ABCC4: variants seen among roughly 807,000 people sequenced by gnomAD.
The protein encoded by ABCC4 is ATP-binding cassette sub-family C member 4.
Under a neutral mutation model 168.5 loss-of-function variants are expected in ABCC4, and 102 were observed. That is an observed-to-expected ratio of 0.61 (90% CI 0.52 to 0.71). The LOEUF is 0.71. ABCC4 is among the 30% of genes least tolerant of loss of function. The probability of loss-of-function intolerance (pLI) is 0.00; values close to 1 mark genes in which losing one functional copy is unlikely to be tolerated. For synonymous variants in ABCC4, 617 were observed against 590.7 expected (o/e 1.04, Z -0.65); for missense variants, 1,402 against 1,605.8 (o/e 0.87, Z 2.17).
At chr13:95,196,592 GGAAGGAAGGAAGGAAGGAAGGAA>G (rs2038431931) in intron 8 of ABCC4, among the ~76,000 whole-genome samples, 4 of 1,786 alleles carry the variant, frequency 2.2e-3, no homozygotes, top group Non-Finnish European at 6.6e-3. Flanking sequence ...GAGGAAGGAA[GGAAGGAAGGAAGGAAGGAAGGAA>G]GGAAGGAAGG....
intron 2 of ABCC4, 44 bp from the exon 3 acceptor site, chr13:95,247,139 A>G (rs768994541): frequency 3.2e-6 from 5 of 1,584,434 alleles, no homozygotes; most frequent in Non-Finnish European, 4.3e-6. Context: ...GAACCCTGCC[A>G]CAATATAAAA....
chr13:95,031,372 C>T (rs751806548), intron 30 of ABCC4, among the ~76,000 whole-genome samples: 2 of 152,176 alleles, frequency 1.3e-5, no homozygotes, highest in Non-Finnish European at 2.9e-5. Context: ...CAAGGAGCAG[C>T]GTTTTCAGGC....
intron 19 of ABCC4, among the ~76,000 whole-genome samples, chr13:95,133,306 G>A (rs1240221920): frequency 6.6e-6 from 1 of 151,578 alleles, no homozygotes; most frequent in Non-Finnish European, 1.5e-5. Context: ...TATAGATGGG[G>A]TTTCACCATG....
chr13:95,131,473 T>TA (rs1395704354), intron 19 of ABCC4, among the ~76,000 whole-genome samples: 2 of 151,894 alleles, frequency 1.3e-5, no homozygotes, highest in Non-Finnish European at 2.9e-5. Context: ...ACTAAAAATA[T>TA]AAAAAATTAG....
At chr13:95,216,608 CAAAA>C (rs199711816) in intron 4 of ABCC4, among the ~76,000 whole-genome samples, 24,980 of 125,286 alleles carry the variant, frequency 0.2, 2,846 homozygotes, top group South Asian at 0.33. Flanking sequence ...AGGAAATTCA[CAAAA>C]AAAAAAAAAA....
chr13:95,246,949 A>G, intron 3 of ABCC4, 26 bp downstream of exon 3: 1 of 1,607,614 alleles, frequency 6.2e-7, no homozygotes. Flanking sequence ...CCTGAAAAAC[A>G]ATTCATGGTA....
intron 19 of ABCC4, among the ~76,000 whole-genome samples, chr13:95,142,505 A>G (rs2036351654): frequency 1.3e-5 from 2 of 152,174 alleles, no homozygotes; most frequent in Admixed American, 1.3e-4. Context: ...TGAAGGGTGC[A>G]CCAAAATCTC....
chr13:95,055,486 C>G (rs954734688), intron 26 of ABCC4: 1 of 152,146 alleles, frequency 6.6e-6, no homozygotes, highest in Non-Finnish European at 1.5e-5. Flanking sequence ...CCAGATCAAA[C>G]CTGTTTTTCA....
At chr13:95,163,792 G>GAAGTCC in intron 16 of ABCC4, 145 bp from the exon 17 acceptor site, 4 of 668,776 alleles carry the variant, frequency 6.0e-6, no homozygotes, top group Non-Finnish European at 1.1e-5. Context: ...CAGCACTTTG[G>GAAGTCC]GAGGCTGAGG....
rs2031010682 is a variant in ABCC4 at position 95,020,113 on chromosome 13, C to T, written c.*1462G>A. ...TTAACCATACGTGTATTTCTAAGTA[C>T]TAGGAGTTGAACAGCTACTACGGTC... On this transcript the variant is annotated 3_prime_UTR_variant, in exon 31 of 31. Transcript: ENST00000645237. 6.6e-6 allele frequency: 1 copy of T among 152,128 alleles called. No individual in the cohort carries two copies. Among genetic ancestry groups the T allele is most frequent in the Admixed American group, 6.5e-5 (1 of 15,278 alleles). The allele number at this position is 152,128 out of a possible 1,614,324, so 9.4% of individuals were successfully genotyped here.
chr13:95,121,114 C>G (rs2035556237), intron 19 of ABCC4, among the ~76,000 whole-genome samples: 1 of 152,132 alleles, frequency 6.6e-6, no homozygotes, highest in African/African-American at 2.4e-5. Flanking sequence ...GAGGCAGGGA[C>G]AAGACATGAG....
chr13:95,265,053 G>A lies in ABCC4; in HGVS notation c.75-17300C>T, dbSNP rs187964410. Among the ~76,000 whole-genome samples the A allele has an allele frequency of 9.9e-3, 1,512 of 152,070 alleles. 22 individuals are homozygous for A. Among genetic ancestry groups the A allele is most frequent in the Admixed American group, 0.02 (309 of 15,266 alleles). ...CTGACTAATTTTTGTATTTTTAGCA[G>A]AGATGGGGTTTTGCCATGTTGGCCA... On this transcript the variant is annotated intron_variant, in intron 1 of 30. Transcript: ENST00000645237.
chr13:95,101,881 C>G (rs1202961279), intron 20 of ABCC4, among the ~76,000 whole-genome samples: 1 of 152,140 alleles, frequency 6.6e-6, no homozygotes, highest in Non-Finnish European at 1.5e-5. Flanking sequence ...CTATTTCTCC[C>G]ACTTAAAAAT....
intron 19 of ABCC4, among the ~76,000 whole-genome samples, chr13:95,151,647 AAGG>A (rs371294892): frequency 5.3e-5 from 8 of 151,588 alleles, no homozygotes; most frequent in Non-Finnish European, 8.8e-5. Flanking sequence ...GAAGGAGAAG[AAGG>A]AGAAGAAATC....
intron 1 of ABCC4, among the ~76,000 whole-genome samples, chr13:95,298,164 C>T (rs2138972818): frequency 6.6e-6 from 1 of 152,132 alleles, no homozygotes; most frequent in South Asian, 2.1e-4. Context: ...GGGTGCACGC[C>T]TATAGTCCCA....
At chr13:95,283,041 C>G (rs1203769225) in intron 1 of ABCC4, among the ~76,000 whole-genome samples, 1 of 151,300 alleles carries the variant, frequency 6.6e-6, no homozygotes, top group Non-Finnish European at 1.5e-5. Context: ...ACAGTGAAAC[C>G]CCATCTCTAC....
intron 1 of ABCC4, 68 bp downstream of exon 1, chr13:95,301,173 G>C: frequency 1.4e-6 from 2 of 1,440,576 alleles, no homozygotes; most frequent in Non-Finnish European, 9.4e-7. Context: ...CATCGGGCGC[G>C]GCCCCGGGAG....
rs1490489305 is a variant in ABCC4 at position 95,062,486 on chromosome 13, T to TCACACACACACA, written c.3366+206_3366+217dup. ...ATCTATCTGCGTAAGTTATTAAATA[T>TCACACACACACA]CACACACACACACACACACACAGAG... On this transcript the variant is annotated intron_variant, in intron 26 of 30. Coordinates refer to ENST00000645237, the MANE Select transcript of ABCC4 (RefSeq NM_005845.5). 2.1e-3 allele frequency among the ~76,000 whole-genome samples: 310 copies of TCACACACACACA among 144,978 alleles called. 3 individuals carry two copies. Among genetic ancestry groups the TCACACACACACA allele is most frequent in the South Asian group, 0.014 (61 of 4,272 alleles).
intron 14 of ABCC4, among the ~76,000 whole-genome samples, chr13:95,168,439 G>A (rs1038331864): frequency 1.3e-5 from 2 of 152,148 alleles, no homozygotes; most frequent in Non-Finnish European, 2.9e-5. Context: ...ATTCCTCACT[G>A]TTCTTTAGGC....
Sources: allele counts gnomAD v4.1 joint callset (sites outside exome capture counted in the v4.1 genomes callset), GRCh38; gene constraint gnomAD v4.1.1; transcripts MANE v1.5; gene names NCBI Gene and HGNC (gene_info 2026-07-23, HGNC 2026-07-21).